CCSER1: variants seen among roughly 807,000 people sequenced by gnomAD.
CCSER1 encodes the protein serine-rich coiled-coil domain-containing protein 1.
In CCSER1, 41 loss-of-function variants were observed where a neutral mutation model predicts 82.0. The ratio of observed to expected loss-of-function variants is 0.50; its 90% CI spans 0.39 to 0.65. CCSER1 has a LOEUF of 0.65. Among genes scored for constraint, CCSER1 ranks in the 30% least tolerant of loss-of-function variants. The pLI is 0.00. For synonymous variants in CCSER1, 414 were observed against 383.9 expected (o/e 1.08, Z -0.92); for missense variants, 1,119 against 1,064.2 (o/e 1.05, Z -0.72).
chr4:91,107,693 G>C (rs1323094257), intron 10 of CCSER1, among the ~76,000 whole-genome samples: 2 of 144,848 alleles, frequency 1.4e-5, no homozygotes, highest in Non-Finnish European at 3.0e-5. Flanking sequence ...AATGATAAAA[G>C]CACCATTTAG....
chr4:90,500,935 C>G (rs965557515), intron 5 of CCSER1, among the ~76,000 whole-genome samples: 1 of 151,290 alleles, frequency 6.6e-6, no homozygotes, highest in African/African-American at 2.4e-5. Context: ...AAAATTCTGA[C>G]TAAAAACAAA....
chr4:90,662,603 C>G (rs1731024782), intron 6 of CCSER1, among the ~76,000 whole-genome samples: 1 of 152,020 alleles, frequency 6.6e-6, no homozygotes, highest in Admixed American at 6.5e-5. Context: ...ATTATTTATT[C>G]ATTTGGGGAA....
At chr4:91,123,905 C>T (rs752523953) in intron 10 of CCSER1, among the ~76,000 whole-genome samples, 1 of 151,668 alleles carries the variant, frequency 6.6e-6, no homozygotes, top group Non-Finnish European at 1.5e-5. Context: ...AAACCTAGTA[C>T]TAGTCTGCTG....
intron 10 of CCSER1, among the ~76,000 whole-genome samples, chr4:91,538,685 T>C (rs1473979880): frequency 7.2e-5 from 8 of 111,884 alleles, no homozygotes; most frequent in South Asian, 2.6e-4. Flanking sequence ...ATATGATATA[T>C]ATTATATATA....
intron 6 of CCSER1, among the ~76,000 whole-genome samples, chr4:90,671,075 TG>T (rs1304917150): frequency 6.6e-6 from 1 of 152,088 alleles, no homozygotes. Flanking sequence ...AATACTTTAT[TG>T]CTAAAGAGTT....
chr4:90,661,557 G>A (rs899340758), intron 6 of CCSER1, among the ~76,000 whole-genome samples: 8 of 152,174 alleles, frequency 5.3e-5, no homozygotes, highest in Non-Finnish European at 7.3e-5. Context: ...AATATGCAGC[G>A]AAATGTTTAA....
chr4:91,081,378 A>T (rs1212732495), intron 9 of CCSER1, among the ~76,000 whole-genome samples: 4 of 152,044 alleles, frequency 2.6e-5, no homozygotes, highest in African/African-American at 9.7e-5. Flanking sequence ...CATGCAAAAA[A>T]CTCTCAATAA....
At chr4:90,472,313 A>G (rs913569695) in intron 5 of CCSER1, among the ~76,000 whole-genome samples, 22 of 152,318 alleles carry the variant, frequency 1.4e-4, no homozygotes, top group African/African-American at 4.8e-4. Context: ...GAAACATTTT[A>G]TGACTGAGAT....
intron 6 of CCSER1, among the ~76,000 whole-genome samples, chr4:90,712,354 A>G (rs1184651286): frequency 1.3e-5 from 2 of 152,138 alleles, no homozygotes; most frequent in South Asian, 4.1e-4. Context: ...CCTTGTTCTC[A>G]TTCATTTCAA....
chr4:90,351,063 G>C (rs1743337808), intron 3 of CCSER1, among the ~76,000 whole-genome samples: 1 of 152,080 alleles, frequency 6.6e-6, no homozygotes, highest in South Asian at 2.1e-4. Flanking sequence ...AAAATAACAA[G>C]AGGGCACTAG....
intron 8 of CCSER1, among the ~76,000 whole-genome samples, chr4:90,841,471 G>A (rs934808613): frequency 4.6e-5 from 7 of 151,334 alleles, no homozygotes; most frequent in Admixed American, 2.6e-4. Context: ...CCAGCTACTC[G>A]GGAGGCTGAG....
At chr4:90,973,785 A>G (rs1213227915) in intron 9 of CCSER1, among the ~76,000 whole-genome samples, 1 of 151,624 alleles carries the variant, frequency 6.6e-6, no homozygotes, top group Non-Finnish European at 1.5e-5. Flanking sequence ...ATGAATGGAT[A>G]AAGAAACTGT....
chr4:90,933,326 T>C (rs1047730460), intron 9 of CCSER1, among the ~76,000 whole-genome samples: 1 of 151,610 alleles, frequency 6.6e-6, no homozygotes, highest in Non-Finnish European at 1.5e-5. Flanking sequence ...TAGCTGGGAC[T>C]ACAGGCGCCC....
At position 91,065,168 on chromosome 4, in the gene CCSER1, AGAGAATGT is replaced by A. The variant is rs1407342186; in HGVS notation, c.2173-20778_2173-20771del. Reference sequence around the variant, plus strand: ...CAAAGGATTAAGGAAGTATAAGGAAAGAGAATGTGAGTTCTTTTTAGGAAGATTTAAGA... The same window carrying A: ...CAAAGGATTAAGGAAGTATAAGGAAAGAGTTCTTTTTAGGAAGATTTAAGA... On this transcript the variant is annotated intron_variant, in intron 9 of 10. Coordinates refer to ENST00000509176, the MANE Select transcript of CCSER1 (RefSeq NM_001145065.2). Among the ~76,000 whole-genome samples, 3 of 152,176 alleles carry A rather than the reference AGAGAATGT, an allele frequency of 2.0e-5. No individual in the cohort carries two copies. The East Asian group carries it at 5.8e-4, about 29-fold the overall frequency.
intron 10 of CCSER1, among the ~76,000 whole-genome samples, chr4:91,202,649 G>T (rs1735996750): frequency 8.1e-6 from 1 of 124,060 alleles, no homozygotes; most frequent in Non-Finnish European, 1.7e-5. Context: ...CCTTGAATTT[G>T]ATGTTGACCT....
intron 8 of CCSER1, among the ~76,000 whole-genome samples, chr4:90,834,058 C>T (rs1346102528): frequency 6.6e-6 from 1 of 152,084 alleles, no homozygotes; most frequent in Non-Finnish European, 1.5e-5. Context: ...ATGAATTACC[C>T]AGTCTGCAGT....
intron 10 of CCSER1, among the ~76,000 whole-genome samples, chr4:91,431,624 C>A (rs559096008): frequency 6.6e-6 from 1 of 151,898 alleles, no homozygotes; most frequent in African/African-American, 2.4e-5. Flanking sequence ...TGCACCACCA[C>A]GCCAGGCTAA....
At chr4:90,433,778 C>A (rs540361329) in intron 4 of CCSER1, among the ~76,000 whole-genome samples, 160 of 151,884 alleles carry the variant, frequency 1.1e-3, no homozygotes, top group Non-Finnish European at 1.8e-3. Flanking sequence ...TAATTTAAAT[C>A]TTTTGCATAA....
In CCSER1 at chr4:91,440,310, C is replaced by G. The variant is rs113901902; in HGVS notation, c.2218-158262C>G. Among the ~76,000 whole-genome samples the G allele has an allele frequency of 5.3e-5, 8 of 152,238 alleles. 1 individual carries two copies. Among genetic ancestry groups the G allele is most frequent in the African/African-American group, 1.9e-4 (8 of 41,558 alleles). ...CAAACTAGAACTGAGGATTAAGAAACTCACTCAAAACCGCTCAACTACATG... is the reference window on the plus strand; with the variant it reads ...CAAACTAGAACTGAGGATTAAGAAAGTCACTCAAAACCGCTCAACTACATG... On this transcript the variant is annotated intron_variant, in intron 10 of 10. Coordinates refer to ENST00000509176, the MANE Select transcript of CCSER1 (RefSeq NM_001145065.2).
Sources: gnomAD v4.1 joint callset for allele counts (sites outside exome capture counted in the v4.1 genomes callset) on GRCh38, gnomAD v4.1.1 for gene constraint, MANE v1.5 for transcripts, NCBI Gene and HGNC (gene_info 2026-07-23, HGNC 2026-07-21) for gene names.